Variants in RBPJ observed in about 807,000 individuals in gnomAD.
RBPJ encodes recombining binding protein suppressor of hairless.
Under a neutral mutation model 67.8 loss-of-function variants are expected in RBPJ, and 9 were observed. The observed-to-expected ratio is 0.13, with a 90% confidence interval of 0.08 to 0.23. The LOEUF (loss-of-function observed/expected upper bound fraction) is 0.23, where lower values mean the gene tolerates loss of function less well. Among genes scored for constraint, RBPJ ranks in the 10% least tolerant of loss-of-function variants. RBPJ has a pLI of 1.00. For synonymous variants in RBPJ, 198 were observed against 203.3 expected (o/e 0.97, Z 0.22); for missense variants, 305 against 595.6 (o/e 0.51, Z 5.08).
chr4:26,271,275 A>G (rs1490843027), intron 1 of RBPJ, among the ~76,000 whole-genome samples: 1 of 152,186 alleles, frequency 6.6e-6, no homozygotes, highest in Non-Finnish European at 1.5e-5. Context: ...GTTTGGTGCC[A>G]TCTTTGATTT....
chr4:26,162,326 G>A (rs1560192502), upstream of RBPJ, among the ~76,000 whole-genome samples: 1 of 152,224 alleles, frequency 6.6e-6, no homozygotes, highest in Non-Finnish European at 1.5e-5. Context: ...GCAAAGCACT[G>A]AGCAAATCAG....
intron 1 of RBPJ, among the ~76,000 whole-genome samples, chr4:26,311,922 T>A (rs533486750): frequency 1.3e-4 from 20 of 151,676 alleles, no homozygotes; most frequent in Non-Finnish European, 2.6e-4. Context: ...CAGAGCAAGA[T>A]CCTGTCTTAA....
intron 1 of RBPJ, among the ~76,000 whole-genome samples, chr4:26,229,912 A>G (rs1350591591): frequency 6.6e-6 from 1 of 152,126 alleles, no homozygotes; most frequent in Non-Finnish European, 1.5e-5. Context: ...TCATCGGCCA[A>G]GTGCAGTGGC....
chr4:26,118,605 C>T, the RBPJ span, among the ~76,000 whole-genome samples: 1 of 152,190 alleles, frequency 6.6e-6, no homozygotes, highest in Non-Finnish European at 1.5e-5. Context: ...TCATTCACGT[C>T]AGTCTGAATA....
intron 1 of RBPJ, among the ~76,000 whole-genome samples, chr4:26,344,012 A>G (rs1301230370): frequency 6.6e-6 from 1 of 151,868 alleles, no homozygotes; most frequent in Non-Finnish European, 1.5e-5. Flanking sequence ...TGGCCTCCCA[A>G]AGTGCTGGGA....
At chr4:26,208,491 CA>C (rs1293107583) in intron 1 of RBPJ, among the ~76,000 whole-genome samples, 1 of 152,148 alleles carries the variant, frequency 6.6e-6, no homozygotes, top group Non-Finnish European at 1.5e-5. Context: ...TCACAAAGAA[CA>C]ATAGTCTTTC....
At chr4:26,173,445 T>C (rs1030885865) in intron 1 of RBPJ, among the ~76,000 whole-genome samples, 2 of 152,036 alleles carry the variant, frequency 1.3e-5, no homozygotes, top group Non-Finnish European at 2.9e-5. Flanking sequence ...TTGCAGTAGG[T>C]TTTGAGTAGG....
chr4:26,119,051 A>G, the RBPJ span, among the ~76,000 whole-genome samples: 14 of 152,210 alleles, frequency 9.2e-5, no homozygotes, highest in Non-Finnish European at 1.9e-4. Flanking sequence ...AGGGTATTGC[A>G]TTGATCCGGG....
At chr4:26,183,870 A>G (rs996912661) in intron 1 of RBPJ, among the ~76,000 whole-genome samples, 5 of 152,092 alleles carry the variant, frequency 3.3e-5, no homozygotes, top group African/African-American at 4.8e-5. Context: ...AAATTAGCCA[A>G]GCACGGAGGC....
At chr4:26,183,308 A>T (rs1717086801) in intron 1 of RBPJ, among the ~76,000 whole-genome samples, 1 of 152,232 alleles carries the variant, frequency 6.6e-6, no homozygotes. Context: ...GACCACCCTC[A>T]TATATGTGGC....
chr4:26,372,448 C>T (rs1049848926), intron 1 of RBPJ, among the ~76,000 whole-genome samples: 7 of 152,158 alleles, frequency 4.6e-5, no homozygotes, highest in Non-Finnish European at 8.8e-5. Context: ...TGACGTAGGG[C>T]GATTGACTAG....
chr4:26,348,689 T>C (rs1041008356), intron 1 of RBPJ, among the ~76,000 whole-genome samples: 8 of 152,046 alleles, frequency 5.3e-5, no homozygotes, highest in Non-Finnish European at 1.0e-4. Flanking sequence ...TTGGTTGTTT[T>C]TTGATTTTTG....
chr4:26,432,996 A>C lies in RBPJ; in HGVS notation c.*1989A>C, dbSNP rs1210564579. 6.6e-6 allele frequency: 1 copy of C among 152,172 alleles called. No individual in the cohort carries two copies. Among genetic ancestry groups the C allele is most frequent in the Non-Finnish European group, 1.5e-5 (1 of 68,024 alleles). 9.4% of individuals were successfully genotyped at this position (152,172 alleles called of 1,614,324 possible). ...TTCCTCAGTTTTCAAGGGGAAGGTC[A>C]TTTGTAAAGCACGTTAGGTGGTTAA... On this transcript the variant is annotated 3_prime_UTR_variant, in exon 11 of 11. Transcript: ENST00000355476.
chr4:26,433,540 GTTTTA>G lies in RBPJ; in HGVS notation c.*2538_*2542del, dbSNP rs1736413295. On this transcript the variant is annotated 3_prime_UTR_variant, in exon 11 of 11. Coordinates refer to ENST00000355476, the MANE Select transcript of RBPJ (RefSeq NM_015874.6). The stretch of plus-strand genomic sequence containing the variant: ...TTGTGTTTTTTTAACAAACATGTAT[GTTTTA>G]TTTTGATAGTTTCTTTCCGTAAGAT... 1 of 152,062 alleles carries G rather than the reference GTTTTA, an allele frequency of 6.6e-6. No individual in the cohort carries two copies. 9.4% of individuals were successfully genotyped at this position (152,062 alleles called of 1,614,324 possible).
At chr4:26,387,498 G>A (rs1448018471) in intron 2 of RBPJ, among the ~76,000 whole-genome samples, 1 of 152,106 alleles carries the variant, frequency 6.6e-6, no homozygotes, top group Non-Finnish European at 1.5e-5. Context: ...AATGTAGAAG[G>A]ACAAAAACCT....
At chr4:26,270,425 G>GA (rs1220630717) in intron 1 of RBPJ, among the ~76,000 whole-genome samples, 2 of 53,628 alleles carry the variant, frequency 3.7e-5, no homozygotes, top group Non-Finnish European at 9.9e-5. Context: ...AAGAAAGAAA[G>GA]AAAGAAAGAA....
chr4:26,381,603 T>C (rs1224321248), intron 1 of RBPJ, among the ~76,000 whole-genome samples: 1 of 152,160 alleles, frequency 6.6e-6, no homozygotes, highest in African/African-American at 2.4e-5. Context: ...TTATGACATA[T>C]ATATGGTGAA....
chr4:26,256,112 C>T (rs963803490), intron 1 of RBPJ, among the ~76,000 whole-genome samples: 4 of 152,052 alleles, frequency 2.6e-5, no homozygotes, highest in Admixed American at 6.6e-5. Flanking sequence ...TATGCATAAA[C>T]ATAGAACTCT....
At chr4:26,151,174 C>T in the RBPJ span, among the ~76,000 whole-genome samples, 2 of 152,102 alleles carry the variant, frequency 1.3e-5, no homozygotes, top group Non-Finnish European at 2.9e-5. Flanking sequence ...CAGTCTTGCC[C>T]GAAGACTCAG....
Sources: allele counts gnomAD v4.1 joint callset (sites outside exome capture counted in the v4.1 genomes callset), GRCh38; gene constraint gnomAD v4.1.1; transcripts MANE v1.5; gene names NCBI Gene and HGNC (gene_info 2026-07-23, HGNC 2026-07-21).